TMX3: variants seen among roughly 807,000 people sequenced by gnomAD.
The protein encoded by TMX3 is protein disulfide-isomerase TMX3.
In TMX3, 40 loss-of-function variants were observed where a neutral mutation model predicts 64.4. The observed-to-expected ratio is 0.62, with a 90% CI of 0.48 to 0.81. The LOEUF (loss-of-function observed/expected upper bound fraction) is 0.81, where lower values mean the gene tolerates loss of function less well. TMX3 is among the 30% of genes least tolerant of loss of function. TMX3 has a pLI of 0.00. For synonymous variants in TMX3, 189 were observed against 175.7 expected, an observed-to-expected ratio of 1.08 and a Z score of -0.60; for missense variants, 497 against 534.5, an observed-to-expected ratio of 0.93 and a Z score of 0.69.
intron 2 of TMX3, among the ~76,000 whole-genome samples, chr18:68,713,256 C>G (rs992569517): frequency 6.6e-6 from 1 of 152,154 alleles, no homozygotes; most frequent in African/African-American, 2.4e-5. Flanking sequence ...CAGGTGAGGT[C>G]CCAATAAGGA....
At chr18:68,702,414 G>C (rs392934) in intron 4 of TMX3, among the ~76,000 whole-genome samples, 1 of 152,058 alleles carries the variant, frequency 6.6e-6, no homozygotes, top group Non-Finnish European at 1.5e-5. Flanking sequence ...ATTAAAATGA[G>C]AATAGTTGCT....
chr18:68,705,816 CAT>C (rs1174037463), intron 4 of TMX3, among the ~76,000 whole-genome samples: 9 of 152,256 alleles, frequency 5.9e-5, no homozygotes, highest in Admixed American at 4.6e-4. Flanking sequence ...TAGACTAAGT[CAT>C]AATAGTTCAA....
chr18:68,687,497 T>G, intron 10 of TMX3, 170 bp downstream of exon 10: 5 of 985,376 alleles, frequency 5.1e-6, no homozygotes, highest in Non-Finnish European at 6.0e-6. Flanking sequence ...TGCAAAGGTA[T>G]ATCTTCTGGT....
intron 2 of TMX3, 151 bp from the exon 3 acceptor site, chr18:68,711,554 T>C (rs2031278257): frequency 4.2e-6 from 2 of 470,972 alleles, no homozygotes; most frequent in East Asian, 6.8e-5. Flanking sequence ...CAGTGACCTA[T>C]CCATTAAACA....
chr18:68,676,682 G>C lies in TMX3; in HGVS notation c.*251C>G. On this transcript the variant is annotated 3_prime_UTR_variant, in exon 16 of 16. Transcript: ENST00000299608. ...GATAGAGAAACATGCAAATAGAATTGTTCTGTTCTAATCACAAAGATCAGG... is the reference window on the plus strand; with the variant it reads ...GATAGAGAAACATGCAAATAGAATTCTTCTGTTCTAATCACAAAGATCAGG... 3 of 479,608 alleles carry C rather than the reference G, an allele frequency of 6.3e-6. No individual in the cohort carries two copies. Among genetic ancestry groups the C allele is most frequent in the Non-Finnish European group, 1.1e-5 (3 of 271,012 alleles). The allele number at this position is 479,608 out of a possible 1,614,324, so 29.7% of individuals were successfully genotyped here. A position where few individuals can be genotyped will look rare whatever the true frequency, so the allele number is the denominator to read the frequency against.
chr18:68,706,106 C>G (rs73967590), intron 4 of TMX3, among the ~76,000 whole-genome samples: 13,518 of 152,164 alleles, frequency 0.089, 1,702 homozygotes, highest in African/African-American at 0.28. Context: ...TACAGACTCT[C>G]GGCTGGGCAC....
intron 4 of TMX3, chr18:68,706,200 AG>A (rs2145122616): frequency 6.6e-6 from 1 of 152,446 alleles, no homozygotes; most frequent in South Asian, 2.1e-4. Context: ...ACCTGAGGTC[AG>A]GTGTTTGGGA....
chr18:68,699,021 CAAA>C (rs986705714), intron 6 of TMX3, among the ~76,000 whole-genome samples: 2 of 91,990 alleles, frequency 2.2e-5, no homozygotes, highest in Non-Finnish European at 4.5e-5. Flanking sequence ...GACTCCGCCT[CAAA>C]AAAAAAAAAA....
At chr18:68,693,432 C>A (rs1457861878) in intron 8 of TMX3, among the ~76,000 whole-genome samples, 1 of 152,098 alleles carries the variant, frequency 6.6e-6, no homozygotes, top group Non-Finnish European at 1.5e-5. Flanking sequence ...GCAGCCACCC[C>A]CACCCCCCAA....
At chr18:68,697,643 A>T in intron 7 of TMX3, 1 of 389,064 alleles carries the variant, frequency 2.6e-6, no homozygotes, top group South Asian at 6.0e-5. Flanking sequence ...GCAGTCTCAA[A>T]GACTCAGAAT....
chr18:68,701,872 A>T (rs1245577586), intron 4 of TMX3, 82 bp from the exon 5 acceptor site: 1 of 1,145,542 alleles, frequency 8.7e-7, no homozygotes, highest in African/African-American at 1.6e-5. Flanking sequence ...TTACTTTAAA[A>T]ATAGAGATAT....
rs576171290 is a variant in TMX3, at chr18:68,715,082, G to C, written c.-101C>G. On this transcript the variant is annotated 5_prime_UTR_variant, in exon 1 of 16. Coordinates refer to ENST00000299608, the MANE Select transcript of TMX3 (RefSeq NM_019022.5). The stretch of plus-strand genomic sequence containing the variant: ...CGGAAAGGGAAACGGAGCCGACCCG[G>C]AGCGGAAGAGAAGCACCGCGCTAAC... The C allele has an allele frequency of 9.1e-6, 14 of 1,537,304 alleles. No individual in the cohort carries two copies. Among genetic ancestry groups the C allele is most frequent in the Admixed American group, 2.0e-5 (1 of 49,946 alleles).
At chr18:68,686,750 T>A in intron 10 of TMX3, 1 of 984,602 alleles carries the variant, frequency 1.0e-6, no homozygotes, top group Non-Finnish European at 1.2e-6. Flanking sequence ...TTTGACACTG[T>A]CCCCGGCAAC....
chr18:68,680,591 C>T (rs1913322460), intron 14 of TMX3, among the ~76,000 whole-genome samples: 1 of 152,048 alleles, frequency 6.6e-6, no homozygotes, highest in African/African-American at 2.4e-5. Context: ...ACGACTTAAT[C>T]CAATTGTACT....
intron 8 of TMX3, among the ~76,000 whole-genome samples, chr18:68,692,972 C>G (rs1914668070): frequency 6.6e-6 from 1 of 152,150 alleles, no homozygotes; most frequent in South Asian, 2.1e-4. Context: ...ACTCCAAGTG[C>G]CAACTGCTTG....
At chr18:68,711,564 A>T (rs1312299068) in intron 2 of TMX3, among the ~76,000 whole-genome samples, 161 bp from the exon 3 acceptor site, 1 of 152,210 alleles carries the variant, frequency 6.6e-6, no homozygotes, top group Non-Finnish European at 1.5e-5. Flanking sequence ...TCCATTAAAC[A>T]TCTCAAAGAT....
Position 68,675,517 on chromosome 18 carries a change from G to A in TMX3, c.*1416C>T, listed in dbSNP as rs1459584189. The stretch of plus-strand genomic sequence containing the variant: ...GAAACAACAGAGGGCTGTCCTTGAT[G>A]ACTAAATCCCTAAACAACGTCAGTG... On this transcript the variant is annotated 3_prime_UTR_variant, in exon 16 of 16. Coordinates refer to ENST00000299608, the MANE Select transcript of TMX3 (RefSeq NM_019022.5). 3 of 152,076 alleles carry A rather than the reference G, an allele frequency of 2.0e-5. No individual in the cohort carries two copies. The highest frequency in any genetic ancestry group is 7.2e-5 in the African/African-American group (3 of 41,406). The allele number at this position is 152,076 out of a possible 1,614,324, so 9.4% of individuals were successfully genotyped here. A position where few individuals can be genotyped will look rare whatever the true frequency, so the allele number is the denominator to read the frequency against.
rs757397075 is a variant in TMX3, at chr18:68,715,037, G to T, written c.-56C>A. On this transcript the variant is annotated 5_prime_UTR_variant, in exon 1 of 16. Coordinates refer to ENST00000299608, the MANE Select transcript of TMX3 (RefSeq NM_019022.5). ...GTGCAAAAGAGGGATAAAGACACTG[G>T]GGTCCGCCGCCTGCCCGCCCGGAAA... The T allele has an allele frequency of 2.5e-5, 39 of 1,549,672 alleles. No homozygotes were observed. The highest frequency in any genetic ancestry group is 3.3e-5 in the Non-Finnish European group (38 of 1,146,680).
intron 4 of TMX3, among the ~76,000 whole-genome samples, 193 bp downstream of exon 4, chr18:68,709,828 T>C (rs1672544357): frequency 7.5e-6 from 1 of 132,598 alleles, no homozygotes. Flanking sequence ...CTGTTAAGCA[T>C]AAGATTAACA....
Sources: gnomAD v4.1 joint callset for allele counts (sites outside exome capture counted in the v4.1 genomes callset) on GRCh38, gnomAD v4.1.1 for gene constraint, MANE v1.5 for transcripts, NCBI Gene and HGNC (gene_info 2026-07-23, HGNC 2026-07-21) for gene names.